The following AKAP13 variants were observed in gnomAD, a reference collection of about 807,000 sequenced individuals.
AKAP13 encodes A-kinase anchoring protein 13.
In AKAP13, 80 loss-of-function variants were observed where a neutral mutation model predicts 264.5. The observed-to-expected ratio is 0.30, with a 90% confidence interval of 0.25 to 0.36. The LOEUF is 0.36. Among genes scored for constraint, AKAP13 ranks in the 10% least tolerant of loss-of-function variants. The pLI is 1.00. For synonymous variants in AKAP13, 1,380 were observed against 1,250.2 expected, an observed-to-expected ratio of 1.10 and a Z score of -2.19; for missense variants, 3,712 against 3,435.2, an observed-to-expected ratio of 1.08 and a Z score of -2.01.
At chr15:85,667,003 T>G (rs1390467043) in intron 13 of AKAP13, among the ~76,000 whole-genome samples, 1 of 152,216 alleles carries the variant, frequency 6.6e-6, no homozygotes, top group African/African-American at 2.4e-5. Context: ...CATTCTGGGA[T>G]GCATCTTATT....
chr15:85,726,981 T>G (rs2087656808), intron 27 of AKAP13, 85 bp from the exon 28 acceptor site: 1 of 1,479,924 alleles, frequency 6.8e-7, no homozygotes, highest in Non-Finnish European at 9.3e-7. Context: ...TTTAACAGCA[T>G]CTGGTCTTAC....
At position 85,715,806 on chromosome 15, in the gene AKAP13, G is replaced by A. The variant is rs2151711626; in HGVS notation, c.5618G>A (p.Arg1873His). ...TTTGCAGCCTCACAGCCCAAGGAGC[G>A]TCCTCGGTCCGCAGTCCTCCTGGTG... ...MRNKPSQPKE[R>H]PRSAVLLVDE... The change falls in exon 20 of 37, where the codon CGT becomes CAT. Residue 1873 changes from arginine (R) to histidine (H), a missense_variant. Arg to His is a conservative substitution (Grantham distance 29). This residue lies in a region of AKAP13 where 2,759 missense variants were observed against 2,411.7 expected (regional missense o/e 1.14). Transcript: ENST00000394518. The A allele has an allele frequency of 3.1e-6, 5 of 1,611,906 alleles. No individual in the cohort carries two copies. Among genetic ancestry groups the A allele is most frequent in the Non-Finnish European group, 3.4e-6 (4 of 1,179,570 alleles).
intron 14 of AKAP13, among the ~76,000 whole-genome samples, chr15:85,680,888 G>GCTCACTGCAACCTCGA (rs1469802696): frequency 6.6e-6 from 1 of 152,144 alleles, no homozygotes; most frequent in Non-Finnish European, 1.5e-5. Flanking sequence ...CGCAATCTCG[G>GCTCACTGCAACCTCGA]CTCACTGCAA....
At chr15:85,605,928 G>A (rs11635152) in intron 8 of AKAP13, among the ~76,000 whole-genome samples, 71,239 of 151,616 alleles carry the variant, frequency 0.47, 17,557 homozygotes, top group Middle Eastern at 0.62. Context: ...ATTTCTGATA[G>A]ATCTCATGTA....
chr15:85,643,428 C>T (rs974577426), intron 9 of AKAP13, among the ~76,000 whole-genome samples: 2 of 152,080 alleles, frequency 1.3e-5, no homozygotes, highest in Admixed American at 6.5e-5. Flanking sequence ...AAGCTACCAG[C>T]GCAAATAATT....
At chr15:85,533,462 A>G in intron 3 of AKAP13, 122 bp from the exon 4 acceptor site, 1 of 857,830 alleles carries the variant, frequency 1.2e-6, no homozygotes, top group Non-Finnish European at 1.7e-6. Flanking sequence ...AAGAGGAAGG[A>G]GGGGGTGTTT....
At chr15:85,439,976 AT>A (rs35860874) in intron 1 of AKAP13, among the ~76,000 whole-genome samples, 25,994 of 148,060 alleles carry the variant, frequency 0.18, 2,720 homozygotes, top group Non-Finnish European at 0.25. Flanking sequence ...ATAATAAAAA[AT>A]AATAATAATA....
chr15:85,390,658 C>T (rs531584482), intron 1 of AKAP13, among the ~76,000 whole-genome samples: 3 of 152,140 alleles, frequency 2.0e-5, no homozygotes, highest in East Asian at 3.8e-4. Context: ...GATTTGCAGT[C>T]GTTCAGGCTA....
At chr15:85,491,830 T>C (rs968079605) in intron 2 of AKAP13, among the ~76,000 whole-genome samples, 4 of 152,168 alleles carry the variant, frequency 2.6e-5, no homozygotes, top group Admixed American at 2.6e-4. Flanking sequence ...CAAGAGCTCA[T>C]GTTTGCATAG....
intron 10 of AKAP13, among the ~76,000 whole-genome samples, chr15:85,652,086 T>C (rs760522467): frequency 1.6e-4 from 24 of 152,358 alleles, no homozygotes; most frequent in South Asian, 4.1e-4. Flanking sequence ...TATGCAAGAC[T>C]GTAGAAATCA....
rs191610693 is a variant in AKAP13, at chr15:85,745,952, G to C, written c.*1275G>C. 6.6e-6 allele frequency: 1 copy of C among 152,592 alleles called. No homozygotes were observed. Among genetic ancestry groups the C allele is most frequent in the Non-Finnish European group, 1.5e-5 (1 of 68,256 alleles). 9.5% of individuals were successfully genotyped at this position (152,592 alleles called of 1,614,324 possible). The stretch of plus-strand genomic sequence containing the variant: ...AGATACAGATGGCTGCCTGCTGCTC[G>C]GCTTTGCTTTTGCTTTTCCCACCGT... On this transcript the variant is annotated 3_prime_UTR_variant, in exon 37 of 37. Transcript: ENST00000394518.
chr15:85,693,042 C>G, intron 16 of AKAP13: 1 of 530,844 alleles, frequency 1.9e-6, no homozygotes, highest in Non-Finnish European at 3.0e-6. Flanking sequence ...AATGAATAAG[C>G]CACTGCCAGA....
At chr15:85,674,868 A>G (rs1483749600) in intron 14 of AKAP13, among the ~76,000 whole-genome samples, 1 of 151,968 alleles carries the variant, frequency 6.6e-6, no homozygotes, top group African/African-American at 2.4e-5. Flanking sequence ...ATGTGAATAT[A>G]TATATATATT....
chr15:85,742,847 G>T (rs1194968732), intron 35 of AKAP13, among the ~76,000 whole-genome samples: 2 of 152,190 alleles, frequency 1.3e-5, no homozygotes, highest in African/African-American at 4.8e-5. Context: ...GTAGGGGGCA[G>T]TTGTAGCTTT....
chr15:85,565,944 T>TA (rs936377713), intron 5 of AKAP13, among the ~76,000 whole-genome samples: 27 of 152,374 alleles, frequency 1.8e-4, no homozygotes, highest in African/African-American at 6.0e-4. Context: ...TGCAGCTCTG[T>TA]ATAAAGCCTC....
In AKAP13 at chr15:85,724,740, C is replaced by T. The variant is rs766581987; in HGVS notation, c.6745+1420C>T. 6.6e-6 allele frequency among the ~76,000 whole-genome samples: 1 copy of T among 151,740 alleles called. No homozygotes were observed. The highest frequency in any genetic ancestry group is 2.4e-5 in the African/African-American group (1 of 41,290). ...TGACAACTAGGGGCAGTTTAGAGTG[C>T]AGCTGGAGTGAAGAGAGACTGGTGA... is the stretch of plus-strand genomic sequence containing the variant. On this transcript the variant is annotated intron_variant, in intron 26 of 36. Transcript: ENST00000394518. The surrounding 1 kb of genome is among the most constrained non-coding windows in gnomAD (Gnocchi z 4.2).
chr15:85,522,950 A>ACCCCCCC (rs2076881562), intron 3 of AKAP13, among the ~76,000 whole-genome samples: 1 of 21,826 alleles, frequency 4.6e-5, no homozygotes, highest in African/African-American at 1.7e-4. Flanking sequence ...CGTCGCCCCC[A>ACCCCCCC]TCCCATTGGC....
intron 6 of AKAP13, among the ~76,000 whole-genome samples, chr15:85,575,623 C>T (rs923075188): frequency 4.0e-5 from 6 of 151,656 alleles, no homozygotes; most frequent in Non-Finnish European, 7.4e-5. Flanking sequence ...ACCCAGGAGG[C>T]GGAGCTTGCA....
At chr15:85,739,531 ATTAG>A (rs758593233) in intron 33 of AKAP13, among the ~76,000 whole-genome samples, 65 of 152,110 alleles carry the variant, frequency 4.3e-4, no homozygotes, top group Admixed American at 1.7e-3. Context: ...TTGAATTTCT[ATTAG>A]TTCTTTGCCT....
Sources: allele counts gnomAD v4.1 joint callset (sites outside exome capture counted in the v4.1 genomes callset), GRCh38; gene constraint gnomAD v4.1.1; regional missense constraint gnomAD v4.1.1; non-coding constraint Gnocchi (gnomAD v3.1); transcripts MANE v1.5; gene names NCBI Gene and HGNC (gene_info 2026-07-23, HGNC 2026-07-21).